PRSS56: variants seen among roughly 807,000 people sequenced by gnomAD.
The protein encoded by PRSS56 is serine protease 56.
Under a neutral mutation model 66.8 loss-of-function variants are expected in PRSS56, and 55 were observed. The ratio of observed to expected loss-of-function variants is 0.82; its 90% CI spans 0.66 to 1.03. PRSS56 has a LOEUF of 1.03. Ranked by LOEUF, PRSS56 falls within the 50% of genes least tolerant of loss-of-function variation. The probability of loss-of-function intolerance (pLI) is 0.00; values close to 1 mark genes in which losing one functional copy is unlikely to be tolerated. For synonymous variants in PRSS56, 409 were observed against 387.9 expected (o/e 1.05, Z -0.64); for missense variants, 869 against 837.2 (o/e 1.04, Z -0.47).
At position 232,521,972 on chromosome 2, in the gene PRSS56, G is replaced by T. The variant is rs1691287125; in HGVS notation, c.258G>T (p.Gly86=). The change falls in exon 4 of 13, where the codon GGG becomes GGT. Residue 86 remains glycine, a splice_region_variant and synonymous_variant. Transcript: ENST00000617714. ...GTGACACCCCTTGCCCCTTTCTAGG[G>T]CCGTGCGGCGAGAGGCGTCCGAGCA... ...QALLQDPPEP[G]PCGERRPSTA... is the part of the protein sequence containing the mutation. 1 of 1,473,588 alleles carries T rather than the reference G, an allele frequency of 6.8e-7. No individual in the cohort carries two copies. 91.3% of individuals were successfully genotyped at this position (1,473,588 alleles called of 1,614,324 possible).
Position 232,522,106 on chromosome 2 carries a change from G to A in PRSS56, c.392G>A (p.Gly131Asp), listed in dbSNP as rs1269243606. Reference protein sequence around the residue: ...RLQLGGQPLCGGVLVAASWVL... With the variant: ...RLQLGGQPLCDGVLVAASWVL... ...CAGCTCGGCGGGCAGCCTCTGTGCG[G>A]CGGCGTCCTGGTAGCGGCCTCCTGG... Residue 131 changes from glycine (G) to aspartate (D), a missense_variant, in exon 4 of 13, where the codon GGC becomes GAC. This residue lies in a region of PRSS56 where 315 missense variants were observed against 313.7 expected (regional missense o/e 1.00). Coordinates refer to ENST00000617714, the MANE Select transcript of PRSS56 (RefSeq NM_001195129.2). 6.6e-7 allele frequency: 1 copy of A among 1,517,502 alleles called. No individual in the cohort carries two copies. The highest frequency in any genetic ancestry group is 8.8e-7 in the Non-Finnish European group (1 of 1,139,574). The allele number at this position is 1,517,502 out of a possible 1,614,324, so 94.0% of individuals were successfully genotyped here.
rs1010242019 is a variant in PRSS56, at chr2:232,522,779, C to T, written c.624C>T (p.Arg208=). ...CGGTGAGCCCGGGGGGATCGGCGCGCCCCGTGTGCCTGCCCCAGGAGCCCC... is the reference window on the plus strand; with the variant it reads ...CGGTGAGCCCGGGGGGATCGGCGCGTCCCGTGTGCCTGCCCCAGGAGCCCC... ...WTPVSPGGSA[R]PVCLPQEPQE... The change falls in exon 6 of 13, where the codon CGC becomes CGT. Residue 208 remains arginine (R), a synonymous_variant. Coordinates refer to ENST00000617714, the MANE Select transcript of PRSS56 (RefSeq NM_001195129.2). 1.3e-6 allele frequency: 2 copies of T among 1,521,630 alleles called. No individual in the cohort carries two copies. The highest frequency in any genetic ancestry group is 8.8e-7 in the Non-Finnish European group (1 of 1,137,218). 94.3% of individuals were successfully genotyped at this position (1,521,630 alleles called of 1,614,324 possible). A position where few individuals can be genotyped will look rare whatever the true frequency, so the allele number is the denominator to read the frequency against.
chr2:232,524,480 G>GGAGAACGAGTCCACCCTGT, intron 11 of PRSS56, 111 bp downstream of exon 11: 1 of 1,070,812 alleles, frequency 9.3e-7, no homozygotes, highest in Non-Finnish European at 1.3e-6. Context: ...GGGCAACAGG[G>GGAGAACGAGTCCACCCTGT]TGGACTCGTT....
At chr2:232,524,559 A>G (rs150474690) in intron 11 of PRSS56, among the ~76,000 whole-genome samples, 179 bp from the exon 12 acceptor site, 5 of 152,310 alleles carry the variant, frequency 3.3e-5, no homozygotes, top group African/African-American at 1.2e-4. Context: ...ATCAGTGTCA[A>G]ACAGAGATGC....
rs1354222596 is a variant in PRSS56 at position 232,525,649 on chromosome 2, T to TTTACA, written c.*143_*144insTTACA. On this transcript the variant is annotated 3_prime_UTR_variant, in exon 13 of 13. Transcript: ENST00000617714. ...TGGGGTGGGGGTCCTGGGCCCCCCG[T>TTTACA]GTCTTCCCAGGTTTACAATCAGAGA... 5.0e-6 allele frequency: 3 copies of TTTACA among 598,770 alleles called. No homozygotes were observed. Among genetic ancestry groups the TTTACA allele is most frequent in the Non-Finnish European group, 8.2e-6 (3 of 366,878 alleles). 37.1% of individuals were successfully genotyped at this position (598,770 alleles called of 1,614,324 possible). A position where few individuals can be genotyped will look rare whatever the true frequency, so the allele number is the denominator to read the frequency against.
In PRSS56 at chr2:232,521,384, A is replaced by G. The variant is rs1691272845; in HGVS notation, c.161A>G (p.Asn54Ser). 11 of 1,535,972 alleles carry G rather than the reference A, an allele frequency of 7.2e-6. No individual in the cohort carries two copies. Residue 54 changes from asparagine to serine, a missense_variant, in exon 2 of 13, where the codon AAC becomes AGC. Asn to Ser is a conservative substitution (Grantham distance 46). Transcript: ENST00000617714. ...AAQRSAQWAI[N>S]RVAMEIQHRS... is the part of the protein sequence containing the mutation. ...CAGAGGAGCGCCCAGTGGGCAATAA[A>G]CCGAGTGGCGATGGAGATCCAGCAC...
rs919428255 is a variant in PRSS56, at chr2:232,524,145, C to A, written c.1293C>A (p.Pro431=). 1.7e-5 allele frequency: 25 copies of A among 1,512,870 alleles called. 1 individual carries two copies. The highest frequency in any genetic ancestry group is 8.3e-5 in the Admixed American group (4 of 48,218). 93.7% of individuals were successfully genotyped at this position (1,512,870 alleles called of 1,614,324 possible). Residue 431 remains proline (P), a synonymous_variant, in exon 10 of 13, where the codon CCC becomes CCA. Coordinates refer to ENST00000617714, the MANE Select transcript of PRSS56 (RefSeq NM_001195129.2). ...GCCTGGCCCCCGCCCTGGCTCTCCC[C>A]GCTCCAGCGCTCAGGGAGTCTCCTC... is the stretch of plus-strand genomic sequence containing the variant. ...LRRLAPALAL[P]APALRESPLH... is the part of the protein sequence containing the mutation.
At chr2:232,524,868 C>T in intron 12 of PRSS56, 24 bp downstream of exon 12, 1 of 1,493,948 alleles carries the variant, frequency 6.7e-7, no homozygotes, top group Non-Finnish European at 9.0e-7. Flanking sequence ...CTTCCAGACT[C>T]CTTCACGATG....
chr2:232,521,666 CAGG>C (rs1280700823), intron 2 of PRSS56, 147 bp from the exon 3 acceptor site: 2 of 835,846 alleles, frequency 2.4e-6, no homozygotes, highest in Middle Eastern at 2.5e-4. Flanking sequence ...CTGTGGTGAC[CAGG>C]AGAAGTTCAT....
In PRSS56 at chr2:232,524,004, T is replaced by G. The variant is rs140073556; in HGVS notation, c.1187-35T>G. On this transcript the variant is annotated intron_variant, in intron 9 of 12. Coordinates refer to ENST00000617714, the MANE Select transcript of PRSS56 (RefSeq NM_001195129.2). The stretch of plus-strand genomic sequence containing the variant: ...CAGAGGGGAGGGGGCCTGGCCAGCC[T>G]CTGACCGCCGCTCCGACTCCTGTCC... 1.1e-3 allele frequency: 1,739 copies of G among 1,524,976 alleles called. 15 individuals carry two copies. In the African/African-American group the frequency reaches 0.018, roughly 15 times the overall value. The allele number at this position is 1,524,976 out of a possible 1,614,324, so 94.5% of individuals were successfully genotyped here. A position where few individuals can be genotyped will look rare whatever the true frequency, so the allele number is the denominator to read the frequency against.
In PRSS56 at chr2:232,524,276, G is replaced by C. The variant is rs972072748; in HGVS notation, c.1352-31G>C. The stretch of plus-strand genomic sequence containing the variant: ...GCGCGGCACAGCCACTTTCTCCGCC[G>C]AGGCGGTACCCTAACCCTGTGCCTC... On this transcript the variant is annotated intron_variant, in intron 10 of 12. Coordinates refer to ENST00000617714, the MANE Select transcript of PRSS56 (RefSeq NM_001195129.2). 3 of 1,535,500 alleles carry C rather than the reference G, an allele frequency of 2.0e-6. No individual in the cohort carries two copies. In the South Asian group the frequency reaches 3.6e-5, roughly 18 times the overall value.
Position 232,521,812 on chromosome 2 carries a change from G to A in PRSS56, c.206-4G>A. ...GTGAGACTCAAAGGTCTGTTTCTCT[G>A]CAGGATCTGGGCGCCCCAGGCCTCA... On this transcript the variant is annotated splice_region_variant and splice_polypyrimidine_tract_variant and intron_variant, in intron 2 of 12. Coordinates refer to ENST00000617714, the MANE Select transcript of PRSS56 (RefSeq NM_001195129.2). 1 of 1,536,014 alleles carries A rather than the reference G, an allele frequency of 6.5e-7. No individual in the cohort carries two copies. The highest frequency in any genetic ancestry group is 1.2e-5 in the South Asian group (1 of 84,056).
At position 232,525,264 on chromosome 2, in the gene PRSS56, TG is replaced by T. The variant is rs780960251; in HGVS notation, c.1573del (p.Val525CysfsTer55). ...SKTLTGLFRAWVRAGLGGRHV... is the reference protein window; with the variant it reads ...SKTLTGLFRAXVRAGLGGRHV... ...GACACTGACCGGGCTTTTCAGAGCCTGGGTGCGGGCAGGCTTGGGGGGCCGG... is the reference window on the plus strand; with the variant it reads ...GACACTGACCGGGCTTTTCAGAGCCTGGTGCGGGCAGGCTTGGGGGGCCGG... On this transcript the variant is annotated frameshift_variant, in exon 13 of 13. Transcript: ENST00000617714. LOFTEE classifies it low-confidence loss of function (END_TRUNC). The T allele has an allele frequency of 1.1e-4, 166 of 1,517,704 alleles. No individual in the cohort carries two copies. The highest frequency in any genetic ancestry group is 1.3e-4 in the Non-Finnish European group (152 of 1,136,320). 94.0% of individuals were successfully genotyped at this position (1,517,704 alleles called of 1,614,324 possible). A position where few individuals can be genotyped will look rare whatever the true frequency, so the allele number is the denominator to read the frequency against.
Position 232,523,062 on chromosome 2 carries a change from G to C in PRSS56, c.709G>C (p.Gly237Arg), listed in dbSNP as rs730882160. Residue 237 changes from glycine (G) to arginine (R), a missense_variant and splice_region_variant, in exon 7 of 13, where the codon GGG (glycine) becomes CGG (arginine). Physicochemically the swap from Gly to Arg is moderately radical, Grantham distance 125. This residue lies in a region of PRSS56 where 551 missense variants were observed against 506.9 expected (regional missense o/e 1.09). Coordinates refer to ENST00000617714, the MANE Select transcript of PRSS56 (RefSeq NM_001195129.2). ...AGCCTTCCACCCCTTCCCTGCAGAC[G>C]GGCCTGAGGCTGAAGCAGTGAGAGA... ...IAGWGALFED[G>R]PEAEAVREAR... 6.5e-6 allele frequency: 10 copies of C among 1,534,618 alleles called. No individual in the cohort carries two copies. The highest frequency in any genetic ancestry group is 8.7e-6 in the Non-Finnish European group (10 of 1,146,110).
At chr2:232,522,397 G>A in intron 4 of PRSS56, 118 bp from the exon 5 acceptor site, 1 of 993,038 alleles carries the variant, frequency 1.0e-6, no homozygotes, top group Non-Finnish European at 1.4e-6. Flanking sequence ...TCCCCGGCCC[G>A]CCCTCCGTGC....
rs1438677640 is a variant in PRSS56, at chr2:232,522,001, C to A, written c.287C>A (p.Ala96Asp). 20 of 1,455,484 alleles carry A rather than the reference C, an allele frequency of 1.4e-5. No individual in the cohort carries two copies. The highest frequency in any genetic ancestry group is 1.8e-4 in the Middle Eastern group (1 of 5,650). The allele number at this position is 1,455,484 out of a possible 1,614,324, so 90.2% of individuals were successfully genotyped here. The change falls in exon 4 of 13, where the codon GCC (alanine) becomes GAC (aspartate). Residue 96 changes from alanine (A) to aspartate (D), a missense_variant. By Grantham distance (126) the Ala-to-Asp change is moderately radical. Around this residue, in one of 3 missense-constraint regions of PRSS56, gnomAD observed 315 missense variants for 313.7 expected, o/e 1.00. Transcript: ENST00000617714. ...GPCGERRPST[A>D]NVTRAHGRIV... ...TGCGGCGAGAGGCGTCCGAGCACTG[C>A]CAATGTGACGCGGGCCCACGGCCGC...
Position 232,522,031 on chromosome 2 carries a change from T to A in PRSS56, c.317T>A (p.Val106Glu). The A allele has an allele frequency of 6.8e-7, 1 of 1,465,520 alleles. No individual in the cohort carries two copies. Among genetic ancestry groups the A allele is most frequent in the Non-Finnish European group, 9.0e-7 (1 of 1,115,580 alleles). The allele number at this position is 1,465,520 out of a possible 1,614,324, so 90.8% of individuals were successfully genotyped here. Reference sequence around the variant, plus strand: ...GTGACGCGGGCCCACGGCCGCATCGTGGGGGGCAGCGCGGCGCCGCCCGGG... The same window carrying A: ...GTGACGCGGGCCCACGGCCGCATCGAGGGGGGCAGCGCGGCGCCGCCCGGG... ...ANVTRAHGRI[V>E]GGSAAPPGAW... Residue 106 changes from valine (V) to glutamate (E), a missense_variant, in exon 4 of 13, where the codon GTG (valine) becomes GAG (glutamate). By Grantham distance (121) the Val-to-Glu change is moderately radical. Coordinates refer to ENST00000617714, the MANE Select transcript of PRSS56 (RefSeq NM_001195129.2).
chr2:232,525,220 T>G lies in PRSS56; in HGVS notation c.1526T>G (p.Leu509Arg). The part of the protein sequence containing the change: ...EHLAMNFHEV[L>R]ADLGSKTLTG... Reference sequence around the variant, plus strand: ...TCCCCACTCCTCCATCTGTAGGTCCTGGCAGATCTGGGCTCCAAGACACTG... The same window carrying G: ...TCCCCACTCCTCCATCTGTAGGTCCGGGCAGATCTGGGCTCCAAGACACTG... The change falls in exon 13 of 13, where the codon CTG becomes CGG. Residue 509 changes from leucine (L) to arginine (R), a missense_variant. Around this residue, in one of 3 missense-constraint regions of PRSS56, gnomAD observed 551 missense variants for 506.9 expected, o/e 1.09. Coordinates refer to ENST00000617714, the MANE Select transcript of PRSS56 (RefSeq NM_001195129.2). 6 of 1,491,144 alleles carry G rather than the reference T, an allele frequency of 4.0e-6. No individual in the cohort carries two copies. The highest frequency in any genetic ancestry group is 5.3e-6 in the Non-Finnish European group (6 of 1,123,260). 92.4% of individuals were successfully genotyped at this position (1,491,144 alleles called of 1,614,324 possible). A position where few individuals can be genotyped will look rare whatever the true frequency, so the allele number is the denominator to read the frequency against.
At chr2:232,523,994 C>G in intron 9 of PRSS56, 45 bp from the exon 10 acceptor site, 3 of 1,524,416 alleles carry the variant, frequency 2.0e-6, no homozygotes, top group Non-Finnish European at 2.6e-6. Context: ...GGGAGGGGGC[C>G]TGGCCAGCCT....
Sources: gnomAD v4.1 joint callset for allele counts (sites outside exome capture counted in the v4.1 genomes callset) on GRCh38, gnomAD v4.1.1 for gene constraint, gnomAD v4.1.1 regional missense constraint, MANE v1.5 for transcripts, NCBI Gene and HGNC (gene_info 2026-07-23, HGNC 2026-07-21) for gene names.